The following DSCAM variants were observed in gnomAD, a reference collection of about 807,000 sequenced individuals.
The protein encoded by DSCAM is cell adhesion molecule DSCAM.
DSCAM carries 47 observed loss-of-function variants against 217.7 expected under a neutral mutation model. The ratio of observed to expected loss-of-function variants is 0.22; its 90% CI spans 0.17 to 0.28. The LOEUF (loss-of-function observed/expected upper bound fraction) is 0.28. Ranked by LOEUF, DSCAM falls within the 10% of genes least tolerant of loss-of-function variation. The pLI is 1.00. For synonymous variants in DSCAM, 1,056 were observed against 1,015.3 expected, an observed-to-expected ratio of 1.04 and a Z score of -0.76; for missense variants, 2,080 against 2,618.3, an observed-to-expected ratio of 0.79 and a Z score of 4.49.
At chr21:40,175,046 C>T (rs944497532) in intron 15 of DSCAM, among the ~76,000 whole-genome samples, 1 of 152,202 alleles carries the variant, frequency 6.6e-6, no homozygotes, top group Non-Finnish European at 1.5e-5. Flanking sequence ...TTGTCTTAGT[C>T]TTTTGGGGCT....
chr21:40,725,994 A>T (rs2090952275), intron 1 of DSCAM, among the ~76,000 whole-genome samples: 1 of 152,248 alleles, frequency 6.6e-6, no homozygotes, highest in Non-Finnish European at 1.5e-5. Context: ...TCCAGAAAAC[A>T]GACGGTACAA....
chr21:40,438,044 C>A (rs1019807298), intron 3 of DSCAM, among the ~76,000 whole-genome samples: 1 of 152,102 alleles, frequency 6.6e-6, no homozygotes, highest in African/African-American at 2.4e-5. Context: ...ATGCTGACAC[C>A]AACACCTGAT....
At chr21:40,275,016 A>G (rs894790285) in intron 11 of DSCAM, among the ~76,000 whole-genome samples, 1 of 152,124 alleles carries the variant, frequency 6.6e-6, no homozygotes, top group Non-Finnish European at 1.5e-5. Flanking sequence ...TAGCAGAATT[A>G]AAGTTAAAAA....
chr21:40,149,796 ACCAT>A (rs2090404070), intron 16 of DSCAM, among the ~76,000 whole-genome samples: 1 of 150,132 alleles, frequency 6.7e-6, no homozygotes, highest in Admixed American at 6.6e-5. Flanking sequence ...TGTCACCACC[ACCAT>A]CCATCACTCC....
chr21:40,518,567 T>C (rs1302320008), intron 3 of DSCAM, among the ~76,000 whole-genome samples: 1 of 85,376 alleles, frequency 1.2e-5, no homozygotes, highest in Non-Finnish European at 2.0e-5. Flanking sequence ...CACACACACA[T>C]ATATACATAC....
chr21:40,337,968 T>A, intron 8 of DSCAM, 133 bp downstream of exon 8: 1 of 1,127,870 alleles, frequency 8.9e-7, no homozygotes, highest in Non-Finnish European at 1.3e-6. Context: ...TCATGTTCCC[T>A]GTCATTCTTC....
chr21:40,247,887 C>T (rs1464011151), intron 11 of DSCAM, among the ~76,000 whole-genome samples: 2 of 152,210 alleles, frequency 1.3e-5, no homozygotes, highest in Admixed American at 1.3e-4. Context: ...GAACTTTTGC[C>T]TGGGCATCCA....
At chr21:40,330,668 C>G (rs1323621231) in intron 8 of DSCAM, among the ~76,000 whole-genome samples, 1 of 152,002 alleles carries the variant, frequency 6.6e-6, no homozygotes, top group Non-Finnish European at 1.5e-5. Context: ...TCTGCAGACA[C>G]TTGAGAGCAT....
chr21:40,239,464 C>T (rs1168511889), intron 11 of DSCAM, among the ~76,000 whole-genome samples: 2 of 151,758 alleles, frequency 1.3e-5, no homozygotes, highest in Non-Finnish European at 2.9e-5. Context: ...AAAAAAGCAA[C>T]GATGAAAGAA....
chr21:40,698,132 G>C (rs61491098), intron 2 of DSCAM, among the ~76,000 whole-genome samples: 3,079 of 152,190 alleles, frequency 0.02, 49 homozygotes, highest in African/African-American at 0.031. Flanking sequence ...ACTTTACTTT[G>C]ATTACACACA....
chr21:40,615,003 C>T (rs969634955), intron 3 of DSCAM, among the ~76,000 whole-genome samples: 3 of 151,518 alleles, frequency 2.0e-5, no homozygotes, highest in Non-Finnish European at 2.9e-5. Flanking sequence ...CACACACACA[C>T]GTTTTAAAAG....
intron 3 of DSCAM, among the ~76,000 whole-genome samples, chr21:40,388,541 A>G (rs2837604): frequency 0.68 from 103,748 of 152,028 alleles, 36,305 homozygotes; most frequent in African/African-American, 0.83. Flanking sequence ...TTACTGTTTG[A>G]GAAACCAGAC....
intron 9 of DSCAM, among the ~76,000 whole-genome samples, chr21:40,310,316 T>A (rs2074123793): frequency 6.6e-6 from 1 of 152,218 alleles, no homozygotes; most frequent in Non-Finnish European, 1.5e-5. Flanking sequence ...TTCTTAAGCC[T>A]CCCAGGAGAT....
At chr21:40,719,033 T>C (rs1283728801) in intron 1 of DSCAM, among the ~76,000 whole-genome samples, 3 of 152,062 alleles carry the variant, frequency 2.0e-5, no homozygotes, top group Non-Finnish European at 2.9e-5. Flanking sequence ...GGAGGATCAC[T>C]TGAGCCCCAG....
intron 1 of DSCAM, among the ~76,000 whole-genome samples, chr21:40,790,119 A>T (rs1255895156): frequency 6.6e-6 from 1 of 151,962 alleles, no homozygotes; most frequent in Non-Finnish European, 1.5e-5. Context: ...TCTGGAGCTC[A>T]CAGGAGCCAT....
At chr21:40,525,029 A>AAAAAAAAAAAAAAAAAAC (rs2076389785) in intron 3 of DSCAM, among the ~76,000 whole-genome samples, 2 of 151,798 alleles carry the variant, frequency 1.3e-5, no homozygotes, top group East Asian at 1.9e-4. Context: ...AAAAAAAAAA[A>AAAAAAAAAAAAAAAAAAC]AATCCATTCA....
At chr21:40,405,075 T>G (rs892927293) in intron 3 of DSCAM, among the ~76,000 whole-genome samples, 5 of 152,180 alleles carry the variant, frequency 3.3e-5, no homozygotes, top group Non-Finnish European at 7.3e-5. Context: ...CCATGAAGTA[T>G]GGGAGATGCA....
At chr21:40,481,829 G>A (rs889582847) in intron 3 of DSCAM, among the ~76,000 whole-genome samples, 18 of 152,126 alleles carry the variant, frequency 1.2e-4, no homozygotes, top group African/African-American at 4.1e-4. Flanking sequence ...ATAACAACCC[G>A]GAGTGGCAGA....
chr21:40,304,662 A>T (rs1950048934), intron 9 of DSCAM, among the ~76,000 whole-genome samples: 1 of 152,216 alleles, frequency 6.6e-6, no homozygotes, highest in Non-Finnish European at 1.5e-5. Context: ...GAAACACCGG[A>T]GACTGTTGTG....
Sources: gnomAD v4.1 joint callset for allele counts (sites outside exome capture counted in the v4.1 genomes callset) on GRCh38, gnomAD v4.1.1 for gene constraint, MANE v1.5 for transcripts, NCBI Gene and HGNC (gene_info 2026-07-23, HGNC 2026-07-21) for gene names.